The following SFMBT2 variants were observed in gnomAD, a reference collection of about 807,000 sequenced individuals.
SFMBT2 encodes the protein Scm like with four mbt domains 2.
A neutral mutation model predicts 110.1 loss-of-function variants in SFMBT2; 38 were observed. The ratio of observed to expected loss-of-function variants is 0.35; its 90% CI spans 0.27 to 0.45. SFMBT2 has a LOEUF of 0.45. Ranked by LOEUF, SFMBT2 falls within the 20% of genes least tolerant of loss-of-function variation. The probability of loss-of-function intolerance (pLI) is 1.00; values close to 1 mark genes in which losing one functional copy is unlikely to be tolerated. For missense variants in SFMBT2, 1,011 were observed against 1,094.9 expected (o/e 0.92, Z 1.08); for synonymous variants, 425 against 425.4 (o/e 1.00, Z 0.01).
chr10:7,219,791 C>T, intron 11 of SFMBT2: 1 of 250,892 alleles, frequency 4.0e-6, no homozygotes, highest in Non-Finnish European at 6.3e-6. Flanking sequence ...TCACTGAAAA[C>T]CCACCACCTA....
intron 1 of SFMBT2, among the ~76,000 whole-genome samples, chr10:7,407,503 G>T (rs553313386): frequency 3.3e-5 from 5 of 152,088 alleles, no homozygotes; most frequent in Admixed American, 1.3e-4. Flanking sequence ...TGTGCTGCGG[G>T]AGCCCTCAGG....
At chr10:7,226,333 C>T (rs1172594659) in intron 10 of SFMBT2, among the ~76,000 whole-genome samples, 1 of 152,254 alleles carries the variant, frequency 6.6e-6, no homozygotes, top group Admixed American at 6.5e-5. Flanking sequence ...TACCAGCTGA[C>T]CCAGTCATCA....
At chr10:7,271,240 C>G (rs1008247233) in intron 7 of SFMBT2, among the ~76,000 whole-genome samples, 3 of 133,606 alleles carry the variant, frequency 2.2e-5, no homozygotes, top group Non-Finnish European at 4.6e-5. Context: ...GGGGGCCAAG[C>G]TGAGATCATG....
chr10:7,316,608 C>T (rs1455207178), intron 4 of SFMBT2, among the ~76,000 whole-genome samples: 1 of 152,236 alleles, frequency 6.6e-6, no homozygotes, highest in Non-Finnish European at 1.5e-5. Context: ...ATCCACCATG[C>T]ACAGGACAAG....
intron 4 of SFMBT2, among the ~76,000 whole-genome samples, chr10:7,291,681 G>A (rs1280995526): frequency 6.6e-6 from 1 of 152,198 alleles, no homozygotes; most frequent in Non-Finnish European, 1.5e-5. Flanking sequence ...GGGCAGACGG[G>A]TCTGACTCAG....
chr10:7,225,669 C>T (rs1013500759), intron 10 of SFMBT2, among the ~76,000 whole-genome samples: 2 of 151,956 alleles, frequency 1.3e-5, no homozygotes, highest in South Asian at 2.1e-4. Flanking sequence ...TTCCTGGCTG[C>T]GAATGGGAAC....
At chr10:7,226,099 G>A (rs1839889542) in intron 10 of SFMBT2, among the ~76,000 whole-genome samples, 1 of 152,190 alleles carries the variant, frequency 6.6e-6, no homozygotes, top group African/African-American at 2.4e-5. Context: ...ACATCATTCG[G>A]TGGCAATCCT....
At chr10:7,228,445 C>A (rs1839966155) in intron 9 of SFMBT2, 1 of 657,378 alleles carries the variant, frequency 1.5e-6, no homozygotes, top group African/African-American at 2.0e-5. Flanking sequence ...GAGAAGAGGG[C>A]AACAAAGAGT....
intron 4 of SFMBT2, chr10:7,295,390 T>G (rs1842378818): frequency 6.6e-6 from 1 of 152,168 alleles, no homozygotes; most frequent in Non-Finnish European, 1.5e-5. Flanking sequence ...CAACAAATAA[T>G]AGGTTACACC....
chr10:7,179,131 C>G (rs1328119549), intron 16 of SFMBT2, among the ~76,000 whole-genome samples: 1 of 151,856 alleles, frequency 6.6e-6, no homozygotes, highest in Non-Finnish European at 1.5e-5. Flanking sequence ...TATTCAGGGT[C>G]TTTCATATCC....
In SFMBT2 at chr10:7,408,149, G is replaced by T. The variant is rs56281736; in HGVS notation, c.-52+2712C>A. On this transcript the variant is annotated intron_variant, in intron 1 of 20. Transcript: ENST00000397167. The surrounding 1 kb of genome is among the most constrained non-coding windows in gnomAD (Gnocchi z 5.7). ...GTCAGGAGGACAAGGGGAGGGGTTC[G>T]CGGCTGAAACTGCAGCTTCGCAGCA... is the stretch of plus-strand genomic sequence containing the variant. Among the ~76,000 whole-genome samples the T allele has an allele frequency of 6.6e-6, 1 of 152,382 alleles. No homozygotes were observed. The highest frequency in any genetic ancestry group is 1.5e-5 in the Non-Finnish European group (1 of 68,038).
chr10:7,407,133 G>C (rs963632828), intron 1 of SFMBT2, among the ~76,000 whole-genome samples: 1 of 152,088 alleles, frequency 6.6e-6, no homozygotes, highest in African/African-American at 2.4e-5. Context: ...TTAATGCTTA[G>C]TAGGGAAAAA....
At chr10:7,222,817 G>A (rs1316253798) in intron 10 of SFMBT2, among the ~76,000 whole-genome samples, 1 of 151,962 alleles carries the variant, frequency 6.6e-6, no homozygotes, top group Non-Finnish European at 1.5e-5. Context: ...CTATAGGAAT[G>A]CCCCACCATG....
At chr10:7,376,503 T>C (rs1270547399) in intron 2 of SFMBT2, among the ~76,000 whole-genome samples, 1 of 151,420 alleles carries the variant, frequency 6.6e-6, no homozygotes, top group African/African-American at 2.4e-5. Flanking sequence ...ATCGAGACCA[T>C]CCTGGCTGAC....
At chr10:7,209,825 C>G (rs1044889105) in intron 11 of SFMBT2, among the ~76,000 whole-genome samples, 5 of 152,126 alleles carry the variant, frequency 3.3e-5, no homozygotes, top group Non-Finnish European at 5.9e-5. Context: ...GACTTTTTGG[C>G]CTTTGTGAAT....
chr10:7,387,651 A>C (rs1291748983), intron 1 of SFMBT2, among the ~76,000 whole-genome samples: 1 of 151,762 alleles, frequency 6.6e-6, no homozygotes, highest in East Asian at 1.9e-4. Flanking sequence ...CCAAAGGAGG[A>C]TGGGCATGGT....
chr10:7,324,008 T>C (rs944131446), intron 4 of SFMBT2, among the ~76,000 whole-genome samples: 7 of 152,364 alleles, frequency 4.6e-5, no homozygotes, highest in Admixed American at 4.6e-4. Flanking sequence ...TCTGTATTTA[T>C]TGCCAAAAAC....
At chr10:7,207,794 C>T (rs900794925) in intron 11 of SFMBT2, among the ~76,000 whole-genome samples, 9 of 152,176 alleles carry the variant, frequency 5.9e-5, no homozygotes, top group Admixed American at 4.6e-4. Context: ...ACGTGGGGTC[C>T]CAATTTAGAG....
At chr10:7,290,495 G>A (rs1483958484) in intron 4 of SFMBT2, among the ~76,000 whole-genome samples, 1 of 152,076 alleles carries the variant, frequency 6.6e-6, no homozygotes, top group African/African-American at 2.4e-5. Context: ...TGCTTCTTGA[G>A]GACATTTAAA....
Sources: gnomAD v4.1 joint callset for allele counts (sites outside exome capture counted in the v4.1 genomes callset) on GRCh38, gnomAD v4.1.1 for gene constraint, Gnocchi (gnomAD v3.1) non-coding constraint, MANE v1.5 for transcripts, NCBI Gene and HGNC (gene_info 2026-07-23, HGNC 2026-07-21) for gene names.